The following ARSK variants were observed in gnomAD, a reference collection of about 807,000 sequenced individuals.
ARSK encodes arylsulfatase K.
In ARSK, 37 loss-of-function variants were observed where a neutral mutation model predicts 53.2. The ratio of observed to expected loss-of-function variants is 0.70; its 90% CI spans 0.54 to 0.92. The LOEUF (loss-of-function observed/expected upper bound fraction) is 0.92, where lower values mean the gene tolerates loss of function less well. Among genes scored for constraint, ARSK ranks in the 40% least tolerant of loss-of-function variants. ARSK has a pLI of 0.00. For synonymous variants in ARSK, 208 were observed against 223.2 expected, an observed-to-expected ratio of 0.93 and a Z score of 0.61; for missense variants, 613 against 643.0, an observed-to-expected ratio of 0.95 and a Z score of 0.51.
intron 6 of ARSK, among the ~76,000 whole-genome samples, chr5:95,592,097 G>A (rs1312572179): frequency 6.6e-6 from 1 of 152,156 alleles, no homozygotes; most frequent in Non-Finnish European, 1.5e-5. Context: ...CATATGTCTA[G>A]AAAAGCAACA....
Position 95,567,988 on chromosome 5 carries a change from C to T in ARSK, c.355C>T (p.His119Tyr). The T allele has an allele frequency of 1.9e-6, 3 of 1,613,794 alleles. No homozygotes were observed. The highest frequency in any genetic ancestry group is 2.5e-6 in the Non-Finnish European group (3 of 1,179,854). Residue 119 changes from histidine to tyrosine, a missense_variant, in exon 3 of 8, where the codon CAT becomes TAT. Transcript: ENST00000380009. ...YTTWMDVMER[H>Y]GYRTQKFGKL... ...AACATGGATGGATGTCATGGAGAGG[C>T]ATGGCTACCGAACACAGAAATTTGG...
chr5:95,580,777 C>A, intron 3 of ARSK: 1 of 382,346 alleles, frequency 2.6e-6, no homozygotes, highest in Non-Finnish European at 4.5e-6. Flanking sequence ...ATACATTAAA[C>A]AGTGCTAAAT....
In ARSK at chr5:95,597,447, A is replaced by G. The variant is rs140205754; in HGVS notation, c.1097-3400A>G. On this transcript the variant is annotated intron_variant, in intron 6 of 7. Transcript: ENST00000380009. The stretch of plus-strand genomic sequence containing the variant: ...GCTGAGGAATATTATGAAGTTGGCT[A>G]ACTACAGTAAGGCAAGGCTTATGGT... Among the ~76,000 whole-genome samples, 1,037 of 152,322 alleles carry G rather than the reference A, an allele frequency of 6.8e-3. 9 individuals are homozygous for G. Among genetic ancestry groups the G allele is most frequent in the South Asian group, 0.037 (178 of 4,826 alleles).
chr5:95,557,769 A>G (rs954823418), intron 1 of ARSK, among the ~76,000 whole-genome samples: 8 of 152,252 alleles, frequency 5.3e-5, no homozygotes, highest in South Asian at 2.1e-4. Flanking sequence ...AATTGGTTTT[A>G]CTTTCAGGAT....
chr5:95,560,288 G>A (rs997647949), intron 1 of ARSK, among the ~76,000 whole-genome samples: 7 of 150,960 alleles, frequency 4.6e-5, no homozygotes, highest in Non-Finnish European at 8.8e-5. Context: ...TTCAATGCCT[G>A]TCAAAATCCC....
rs553519324 is a variant in ARSK, at chr5:95,587,722, C to T, written c.871+989C>T. On this transcript the variant is annotated intron_variant, in intron 5 of 7. Coordinates refer to ENST00000380009, the MANE Select transcript of ARSK (RefSeq NM_198150.3). ...AGGAGTTCGAGACCAGCCTGGCCAA[C>T]ATGGCGAAACCCTGTCTCTACTAAA... 2.0e-5 allele frequency among the ~76,000 whole-genome samples: 3 copies of T among 152,226 alleles called. No individual in the cohort carries two copies. The South Asian group carries it at 6.2e-4, about 32-fold the overall frequency.
intron 1 of ARSK, among the ~76,000 whole-genome samples, chr5:95,564,283 G>A (rs1329822845): frequency 6.6e-6 from 1 of 152,064 alleles, no homozygotes. Context: ...TGGCCACTAT[G>A]CACTTTTGTC....
In ARSK at chr5:95,601,013, T is replaced by G; in HGVS notation, c.1263T>G (p.Thr421=). Residue 421 remains threonine (T), a synonymous_variant, in exon 7 of 8, where the codon ACT becomes ACG. Coordinates refer to ENST00000380009, the MANE Select transcript of ARSK (RefSeq NM_198150.3). ...ATGCCTCCACCTACATGCTTCGAAC[T>G]AACCACTGGAAATATATAGCCTATT... ...NVNASTYMLR[T]NHWKYIAYSD... 1 of 1,614,128 alleles carries G rather than the reference T, an allele frequency of 6.2e-7. No homozygotes were observed. The highest frequency in any genetic ancestry group is 8.5e-7 in the Non-Finnish European group (1 of 1,179,974).
At position 95,563,416 on chromosome 5, in the gene ARSK, C is replaced by T. The variant is rs140808404; in HGVS notation, c.127-2582C>T. The stretch of plus-strand genomic sequence containing the variant: ...TTTCATTCACTGAATATTTGCATAC[C>T]GCTCACTGCCTTATATATATCTCAG... On this transcript the variant is annotated intron_variant, in intron 1 of 7. Transcript: ENST00000380009. Among the ~76,000 whole-genome samples, 1,282 of 152,184 alleles carry T rather than the reference C, an allele frequency of 8.4e-3. 16 individuals are homozygous for T. Among genetic ancestry groups the T allele is most frequent in the African/African-American group, 0.029 (1,195 of 41,486 alleles).
At chr5:95,586,205 G>A (rs535395432) in intron 4 of ARSK, among the ~76,000 whole-genome samples, 1 of 152,176 alleles carries the variant, frequency 6.6e-6, no homozygotes, top group African/African-American at 2.4e-5. Context: ...GTATTCTGAG[G>A]TTGTTGATTC....
intron 6 of ARSK, among the ~76,000 whole-genome samples, chr5:95,595,664 C>G (rs557528986): frequency 6.9e-6 from 1 of 145,102 alleles, no homozygotes; most frequent in Non-Finnish European, 1.5e-5. Flanking sequence ...CTGGGGACTA[C>G]TAGAAGGGAG....
At chr5:95,569,157 C>T (rs1748780647) in intron 3 of ARSK, among the ~76,000 whole-genome samples, 2 of 151,972 alleles carry the variant, frequency 1.3e-5, no homozygotes, top group Non-Finnish European at 2.9e-5. Flanking sequence ...TCTTGGGATC[C>T]CCCAACACTT....
At chr5:95,585,667 A>G (rs975621349) in intron 4 of ARSK, among the ~76,000 whole-genome samples, 5 of 152,168 alleles carry the variant, frequency 3.3e-5, no homozygotes, top group African/African-American at 1.2e-4. Context: ...GGTTGGGGGA[A>G]GGTGGATAGG....
chr5:95,576,540 G>A (rs1748927494), intron 3 of ARSK, among the ~76,000 whole-genome samples: 1 of 151,762 alleles, frequency 6.6e-6, no homozygotes, highest in Non-Finnish European at 1.5e-5. Flanking sequence ...CTTAAAAATT[G>A]ACTGAGATTT....
intron 2 of ARSK, among the ~76,000 whole-genome samples, chr5:95,567,192 ATGT>A (rs1748738874): frequency 6.6e-6 from 1 of 152,190 alleles, no homozygotes; most frequent in African/African-American, 2.4e-5. Context: ...AAAATGTTAG[ATGT>A]TGTTTTTCCT....
At chr5:95,587,627 A>G (rs1332203409) in intron 5 of ARSK, among the ~76,000 whole-genome samples, 3 of 152,232 alleles carry the variant, frequency 2.0e-5, no homozygotes, top group African/African-American at 4.8e-5. Flanking sequence ...GGCCAGGTAT[A>G]AAAATGTATA....
chr5:95,568,136 T>G lies in ARSK; in HGVS notation c.416+87T>G, dbSNP rs1748761386. ...CTTTTTGACTTTAATTTTTTTATTT[T>G]TCCACAAAGGTGAAAGTAAATCTCT... On this transcript the variant is annotated intron_variant, in intron 3 of 7. Coordinates refer to ENST00000380009, the MANE Select transcript of ARSK (RefSeq NM_198150.3). The G allele has an allele frequency of 1.1e-5, 15 of 1,373,172 alleles. No homozygotes were observed. In the South Asian group the frequency reaches 2.5e-4, roughly 23 times the overall value. 85.1% of individuals were successfully genotyped at this position (1,373,172 alleles called of 1,614,324 possible). A position where few individuals can be genotyped will look rare whatever the true frequency, so the allele number is the denominator to read the frequency against.
In ARSK at chr5:95,582,968, G is replaced by A; in HGVS notation, c.469G>A (p.Gly157Ser). Residue 157 changes from glycine (G) to serine (S), a missense_variant, in exon 4 of 8, where the codon GGC becomes AGC. Transcript: ENST00000380009. Reference sequence around the variant, plus strand: ...TGTTGCTTTCTTACTCAGACAAGAAGGCAGGCCCATGGTTAATCTTATCCG... The same window carrying A: ...TGTTGCTTTCTTACTCAGACAAGAAAGCAGGCCCATGGTTAATCTTATCCG... ...RDVAFLLRQE[G>S]RPMVNLIRNR... 1 of 1,613,042 alleles carries A rather than the reference G, an allele frequency of 6.2e-7. No individual in the cohort carries two copies. Among genetic ancestry groups the A allele is most frequent in the East Asian group, 2.2e-5 (1 of 44,862 alleles).
chr5:95,570,675 A>G (rs1451732654), intron 3 of ARSK, among the ~76,000 whole-genome samples: 5 of 152,260 alleles, frequency 3.3e-5, no homozygotes, highest in Admixed American at 3.3e-4. Flanking sequence ...GCGGAATAAT[A>G]TAAAATATTT....
Sources: allele counts gnomAD v4.1 joint callset (sites outside exome capture counted in the v4.1 genomes callset), GRCh38; gene constraint gnomAD v4.1.1; transcripts MANE v1.5; gene names NCBI Gene and HGNC (gene_info 2026-07-23, HGNC 2026-07-21).